Variants in COL22A1 observed in about 807,000 individuals in gnomAD.
COL22A1 encodes collagen type XXII alpha 1 chain, also known as collagen alpha-1(XXII) chain.
In COL22A1, 221 loss-of-function variants were observed where a neutral mutation model predicts 248.9. The observed-to-expected ratio is 0.89, with a 90% CI of 0.80 to 0.99. The LOEUF is 0.99. Among genes scored for constraint, COL22A1 ranks in the 50% least tolerant of loss-of-function variants. The pLI is 0.00. For synonymous variants in COL22A1, 891 were observed against 793.4 expected (o/e 1.12, Z -2.07); for missense variants, 2,240 against 2,179.0 (o/e 1.03, Z -0.56).
chr8:138,676,306 G>GC (rs1298787650), intron 41 of COL22A1, among the ~76,000 whole-genome samples: 1 of 76,354 alleles, frequency 1.3e-5, no homozygotes, highest in Non-Finnish European at 3.9e-5. Context: ...TGAGGCAGGA[G>GC]AATCACTTGA....
At chr8:138,685,445 G>A (rs185748091) in intron 37 of COL22A1, 133 bp from the exon 38 acceptor site, 4 of 727,088 alleles carry the variant, frequency 5.5e-6, no homozygotes, top group Non-Finnish European at 9.6e-6. Flanking sequence ...ATGCTTTCTG[G>A]GACACAGAAA....
Position 138,602,118 on chromosome 8 carries a change from T to G in COL22A1, c.4182A>C (p.Glu1394Asp). 6.2e-7 allele frequency: 1 copy of G among 1,614,106 alleles called. No individual in the cohort carries two copies. Among genetic ancestry groups the G allele is most frequent in the South Asian group, 1.1e-5 (1 of 91,072 alleles). The change falls in exon 60 of 65, where the codon GAA becomes GAC. Residue 1394 changes from glutamate to aspartate, a missense_variant. Physicochemically the swap from Glu to Asp is conservative, Grantham distance 45. Coordinates refer to ENST00000303045, the MANE Select transcript of COL22A1 (RefSeq NM_152888.3). Reference sequence around the variant, plus strand: ...GGTGCCTGTGCTCTCCACTCACCCTTTCTCCTTTGAATCCAGGCTCTCCAG... The same window carrying G: ...GGTGCCTGTGCTCTCCACTCACCCTGTCTCCTTTGAATCCAGGCTCTCCAG... Reference protein sequence around the residue: ...GKPGEPGFKGERGDPGIKGDK... With the variant: ...GKPGEPGFKGDRGDPGIKGDK...
intron 3 of COL22A1, among the ~76,000 whole-genome samples, chr8:138,865,101 T>G (rs556022352): frequency 1.3e-5 from 2 of 152,316 alleles, no homozygotes; most frequent in East Asian, 3.9e-4. Flanking sequence ...CAAAATTGAC[T>G]GGTTGGATTT....
intron 22 of COL22A1, among the ~76,000 whole-genome samples, chr8:138,740,926 C>T (rs1362923376): frequency 6.6e-6 from 1 of 152,158 alleles, no homozygotes; most frequent in Admixed American, 6.5e-5. Flanking sequence ...CCACAGGAAC[C>T]CACCCTGTTC....
chr8:138,842,098 G>T (rs1481071526), intron 4 of COL22A1, among the ~76,000 whole-genome samples: 1 of 152,224 alleles, frequency 6.6e-6, no homozygotes, highest in Admixed American at 6.5e-5. Context: ...TGTGGGCTTT[G>T]CTGAATGGTG....
intron 31 of COL22A1, among the ~76,000 whole-genome samples, chr8:138,701,604 C>T (rs1032734986): frequency 4.6e-5 from 7 of 152,276 alleles, no homozygotes; most frequent in East Asian, 1.9e-4. Context: ...ATAGTAACAG[C>T]GACTACAGAT....
intron 47 of COL22A1, among the ~76,000 whole-genome samples, chr8:138,641,090 G>T (rs1047369730): frequency 6.6e-6 from 1 of 152,208 alleles, no homozygotes; most frequent in South Asian, 2.1e-4. Context: ...TGACTTGAAA[G>T]GAAACTGTTA....
intron 1 of COL22A1, among the ~76,000 whole-genome samples, chr8:138,896,241 A>C (rs932286705): frequency 1.3e-5 from 2 of 152,142 alleles, no homozygotes; most frequent in African/African-American, 4.8e-5. Context: ...ATTTTTCATG[A>C]GTTTTTAAAA....
intron 1 of COL22A1, among the ~76,000 whole-genome samples, chr8:138,909,158 T>C (rs4736052): frequency 0.18 from 28,090 of 152,132 alleles, 2,673 homozygotes; most frequent in Middle Eastern, 0.31. Flanking sequence ...TTATTTGTAC[T>C]TGTGTTTTAT....
At chr8:138,693,136 AC>A (rs1827222512) in intron 35 of COL22A1, among the ~76,000 whole-genome samples, 1 of 152,106 alleles carries the variant, frequency 6.6e-6, no homozygotes, top group African/African-American at 2.4e-5. Flanking sequence ...TGCCAGCCCC[AC>A]GGGGATCAAA....
At chr8:138,806,696 G>A (rs928056208) in intron 10 of COL22A1, among the ~76,000 whole-genome samples, 5 of 152,152 alleles carry the variant, frequency 3.3e-5, no homozygotes, top group Admixed American at 1.3e-4. Context: ...CACCTGCAAC[G>A]TGCAGAGCCC....
chr8:138,880,236 C>G (rs925504701), intron 2 of COL22A1, among the ~76,000 whole-genome samples: 1 of 152,172 alleles, frequency 6.6e-6, no homozygotes, highest in Admixed American at 6.5e-5. Context: ...GAAGAGGAAT[C>G]CTTATTTACC....
intron 36 of COL22A1, among the ~76,000 whole-genome samples, 197 bp from the exon 37 acceptor site, chr8:138,689,167 G>GT (rs972009949): frequency 5.9e-5 from 9 of 151,624 alleles, no homozygotes; most frequent in Middle Eastern, 3.4e-3. Flanking sequence ...CCGGGGGGGG[G>GT]GCTGGCCTTG....
In COL22A1 at chr8:138,762,465, C is replaced by T; in HGVS notation, c.1805G>A (p.Gly602Glu). 6.2e-7 allele frequency: 1 copy of T among 1,614,148 alleles called. No individual in the cohort carries two copies. The highest frequency in any genetic ancestry group is 1.3e-5 in the African/African-American group (1 of 75,052). The change falls in exon 17 of 65, where the codon GGA becomes GAA. Residue 602 changes from glycine (G) to glutamate (E), a missense_variant and splice_region_variant. Transcript: ENST00000303045. ...RGEKGTRGEK[G>E]ERGLDGFPGK... ...AGGGAATCCATCCAGGCCTCGCTCT[C>T]CCTGGCAAAAGAAGGCAAATGGTGA...
At chr8:138,899,094 A>G (rs1449917734) in intron 1 of COL22A1, among the ~76,000 whole-genome samples, 2 of 151,924 alleles carry the variant, frequency 1.3e-5, no homozygotes. Flanking sequence ...CCTTATTCTA[A>G]CACCACTCCT....
intron 12 of COL22A1, among the ~76,000 whole-genome samples, chr8:138,796,138 C>G (rs903404430): frequency 1.3e-5 from 2 of 152,052 alleles, no homozygotes; most frequent in African/African-American, 4.8e-5. Context: ...TAGTGGCTCT[C>G]TGCTTTCTAT....
chr8:138,757,260 A>G (rs1416041032), intron 18 of COL22A1, among the ~76,000 whole-genome samples: 1 of 152,122 alleles, frequency 6.6e-6, no homozygotes, highest in Non-Finnish European at 1.5e-5. Context: ...AACCTTATTC[A>G]TATCTTGGTA....
At chr8:138,791,819 T>C (rs900366610) in intron 12 of COL22A1, among the ~76,000 whole-genome samples, 9 of 152,140 alleles carry the variant, frequency 5.9e-5, no homozygotes, top group Admixed American at 5.9e-4. Flanking sequence ...TAAAAGACAA[T>C]GAACTGTGTT....
At chr8:138,738,261 T>C (rs898856864) in intron 22 of COL22A1, among the ~76,000 whole-genome samples, 4 of 152,172 alleles carry the variant, frequency 2.6e-5, no homozygotes, top group African/African-American at 4.8e-5. Context: ...GCATACATGT[T>C]CAGTATCCAG....
Sources: gnomAD v4.1 joint callset for allele counts (sites outside exome capture counted in the v4.1 genomes callset) on GRCh38, gnomAD v4.1.1 for gene constraint, MANE v1.5 for transcripts, NCBI Gene and HGNC (gene_info 2026-07-23, HGNC 2026-07-21) for gene names.